The following EPHA3 variants were observed in gnomAD, a reference collection of about 807,000 sequenced individuals.
The protein encoded by EPHA3 is ephrin type-A receptor 3.
A neutral mutation model predicts 107.1 loss-of-function variants in EPHA3; 42 were observed. The ratio of observed to expected loss-of-function variants is 0.39; its 90% CI spans 0.31 to 0.51. The LOEUF is 0.51. EPHA3 is among the 20% of genes least tolerant of loss of function. The pLI is 0.78. For synonymous variants in EPHA3, 461 were observed against 424.8 expected, an observed-to-expected ratio of 1.09 and a Z score of -1.05; for missense variants, 1,183 against 1,211.2, an observed-to-expected ratio of 0.98 and a Z score of 0.35.
At chr3:89,124,218 T>G (rs1458082277) in intron 1 of EPHA3, among the ~76,000 whole-genome samples, 1 of 152,202 alleles carries the variant, frequency 6.6e-6, no homozygotes, top group Non-Finnish European at 1.5e-5. Context: ...AGCATTATAG[T>G]AACCAAAGTT....
intron 5 of EPHA3, among the ~76,000 whole-genome samples, chr3:89,385,770 TA>T (rs1708605311): frequency 6.6e-6 from 1 of 151,992 alleles, no homozygotes; most frequent in Non-Finnish European, 1.5e-5. Flanking sequence ...GACAGGAAAA[TA>T]TGGGATAGTT....
chr3:89,171,099 A>C (rs1216520154), intron 2 of EPHA3, among the ~76,000 whole-genome samples: 3 of 152,154 alleles, frequency 2.0e-5, no homozygotes, highest in African/African-American at 7.2e-5. Flanking sequence ...ATATTACATG[A>C]AGATTTTTAT....
intron 3 of EPHA3, among the ~76,000 whole-genome samples, chr3:89,316,461 T>C (rs1037410164): frequency 6.8e-6 from 1 of 146,412 alleles, no homozygotes; most frequent in African/African-American, 2.5e-5. Flanking sequence ...TCTTTCAGAG[T>C]ATACACTGTA....
rs576463386 is a variant in EPHA3 at position 89,205,669 on chromosome 3, C to T, written c.154-4191C>T. ...GGTTGAAAAAGTATTTTGAGCTCCT[C>T]TTTTGTTTGTATCCCCTTCTGCTGA... On this transcript the variant is annotated intron_variant, in intron 2 of 16. Transcript: ENST00000336596. Among the ~76,000 whole-genome samples the T allele has an allele frequency of 5.3e-5, 8 of 152,232 alleles. No individual in the cohort carries two copies. The South Asian group carries it at 1.5e-3, about 28-fold the overall frequency.
intron 1 of EPHA3, among the ~76,000 whole-genome samples, chr3:89,117,973 A>G (rs1707294898): frequency 1.3e-5 from 2 of 152,084 alleles, no homozygotes; most frequent in South Asian, 4.1e-4. Flanking sequence ...GAATTAAGTC[A>G]GATTGTTACT....
intron 3 of EPHA3, among the ~76,000 whole-genome samples, chr3:89,243,243 G>T (rs1704950269): frequency 6.6e-6 from 1 of 152,138 alleles, no homozygotes; most frequent in South Asian, 2.1e-4. Flanking sequence ...ATAGCAGCAT[G>T]ATATATAATC....
At chr3:89,266,955 T>C (rs1705551537) in intron 3 of EPHA3, among the ~76,000 whole-genome samples, 1 of 152,068 alleles carries the variant, frequency 6.6e-6, no homozygotes, top group Non-Finnish European at 1.5e-5. Flanking sequence ...TGAAAGTCAA[T>C]GACTTAAAAA....
chr3:89,263,300 T>C (rs1445741340), intron 3 of EPHA3, among the ~76,000 whole-genome samples: 1 of 152,154 alleles, frequency 6.6e-6, no homozygotes, highest in Non-Finnish European at 1.5e-5. Context: ...TGTCTGCGGA[T>C]GGCTTAAGTG....
At chr3:89,179,947 G>A (rs375926352) in intron 2 of EPHA3, among the ~76,000 whole-genome samples, 1 of 151,418 alleles carries the variant, frequency 6.6e-6, no homozygotes, top group East Asian at 1.9e-4. Context: ...TCAATACCCT[G>A]AGACTTAGAG....
chr3:89,215,049 T>C (rs1704192185), intron 3 of EPHA3, among the ~76,000 whole-genome samples: 1 of 151,870 alleles, frequency 6.6e-6, no homozygotes, highest in South Asian at 2.1e-4. Context: ...GAAAGAATCA[T>C]GTGAATCAAA....
chr3:89,245,046 A>T (rs1705000753), intron 3 of EPHA3, among the ~76,000 whole-genome samples: 1 of 152,136 alleles, frequency 6.6e-6, no homozygotes, highest in Admixed American at 6.6e-5. Flanking sequence ...AGAAACATTT[A>T]AAAAAATTAC....
intron 3 of EPHA3, among the ~76,000 whole-genome samples, chr3:89,311,778 G>A (rs1706771968): frequency 6.6e-6 from 1 of 151,978 alleles, no homozygotes; most frequent in South Asian, 2.1e-4. Flanking sequence ...GGGACTCTTT[G>A]ACCTCAAGCG....
chr3:89,344,660 G>A (rs1250733159), intron 5 of EPHA3, among the ~76,000 whole-genome samples: 1 of 152,118 alleles, frequency 6.6e-6, no homozygotes, highest in Non-Finnish European at 1.5e-5. Flanking sequence ...GGAAGGATAT[G>A]GCTGTGACAG....
intron 6 of EPHA3, 75 bp from the exon 7 acceptor site, chr3:89,399,243 G>A: frequency 1.5e-6 from 2 of 1,309,234 alleles, no homozygotes; most frequent in South Asian, 3.2e-5. Flanking sequence ...TCAGGTTTGA[G>A]TGGTTCACTG....
chr3:89,261,384 T>G (rs1311912655), intron 3 of EPHA3, among the ~76,000 whole-genome samples: 3 of 152,206 alleles, frequency 2.0e-5, no homozygotes, highest in Non-Finnish European at 4.4e-5. Flanking sequence ...AAAAGTCATC[T>G]GCACTGAGAG....
At chr3:89,113,750 G>C in intron 1 of EPHA3, among the ~76,000 whole-genome samples, 1 of 57,420 alleles carries the variant, frequency 1.7e-5, no homozygotes, top group African/African-American at 7.8e-5. Context: ...GGGGGGGGCT[G>C]CATTTCTTTG....
intron 2 of EPHA3, among the ~76,000 whole-genome samples, chr3:89,153,279 C>T (rs1316814392): frequency 1.3e-5 from 2 of 152,026 alleles, no homozygotes; most frequent in Non-Finnish European, 1.5e-5. Context: ...ATACTATGCT[C>T]TCCTGCTTTA....
intron 3 of EPHA3, among the ~76,000 whole-genome samples, chr3:89,248,167 G>A (rs1468759657): frequency 6.6e-6 from 1 of 152,098 alleles, no homozygotes; most frequent in Non-Finnish European, 1.5e-5. Flanking sequence ...TCTACTGCCT[G>A]CACTTTTTCA....
intron 5 of EPHA3, among the ~76,000 whole-genome samples, chr3:89,391,421 C>CTTTCTTTTCTT (rs1553689269): frequency 1.0e-4 from 12 of 115,998 alleles, no homozygotes; most frequent in Admixed American, 1.8e-4. Context: ...TCTTTCTTTT[C>CTTTCTTTTCTT]TTTTTTTTTT....
Sources: allele counts gnomAD v4.1 joint callset (sites outside exome capture counted in the v4.1 genomes callset), GRCh38; gene constraint gnomAD v4.1.1; transcripts MANE v1.5; gene names NCBI Gene and HGNC (gene_info 2026-07-23, HGNC 2026-07-21).